Variants in KLF12 observed in about 807,000 individuals in gnomAD.
The protein encoded by KLF12 is Krueppel-like factor 12.
In KLF12, 9 loss-of-function variants were observed where a neutral mutation model predicts 37.8. The ratio of observed to expected loss-of-function variants is 0.24; its 90% CI spans 0.14 to 0.42. KLF12 has a LOEUF of 0.42. Among genes scored for constraint, KLF12 ranks in the 10% least tolerant of loss-of-function variants. The pLI, the probability that KLF12 is intolerant of heterozygous loss-of-function variation, is 1.00. For missense variants in KLF12, 411 were observed against 516.0 expected (o/e 0.80, Z 1.97); for synonymous variants, 208 against 202.1 (o/e 1.03, Z -0.25).
chr13:73,915,761 T>C (rs1888797449), intron 3 of KLF12, among the ~76,000 whole-genome samples: 1 of 149,974 alleles, frequency 6.7e-6, no homozygotes, highest in Non-Finnish European at 1.5e-5. Flanking sequence ...CTTGATCTCC[T>C]GACCTCGTGA....
the KLF12 span, among the ~76,000 whole-genome samples, chr13:74,180,162 T>A: frequency 6.6e-6 from 1 of 152,240 alleles, no homozygotes; most frequent in Admixed American, 6.5e-5. Context: ...AAAATAATTC[T>A]AACTTGCAAA....
rs368339085 is a variant in KLF12, at chr13:73,841,413, CA to C, written c.670+4413del. 5.0e-3 allele frequency among the ~76,000 whole-genome samples: 755 copies of C among 151,860 alleles called. 1 individual carries two copies. The highest frequency in any genetic ancestry group is 0.017 in the African/African-American group (691 of 41,436). Reference sequence around the variant, plus strand: ...ATAGCTGATGAGTTTTAAAAAATTGCAAAAAAAGTCTCATAATGTTTTAAGA... The same window carrying C: ...ATAGCTGATGAGTTTTAAAAAATTGCAAAAAAGTCTCATAATGTTTTAAGA... On this transcript the variant is annotated intron_variant, in intron 4 of 7. Coordinates refer to ENST00000377669, the MANE Select transcript of KLF12 (RefSeq NM_007249.5).
intron 1 of KLF12, among the ~76,000 whole-genome samples, chr13:74,032,198 G>A (rs1893133156): frequency 1.3e-5 from 2 of 152,180 alleles, no homozygotes; most frequent in Non-Finnish European, 2.9e-5. Flanking sequence ...TTCCAAATCT[G>A]TTAGGCACAG....
the KLF12 span, among the ~76,000 whole-genome samples, chr13:74,148,883 C>CGGCTCACTGCAGCCCTG: frequency 6.6e-6 from 1 of 152,180 alleles, no homozygotes; most frequent in African/African-American, 2.4e-5. Flanking sequence ...GGCATGACCT[C>CGGCTCACTGCAGCCCTG]GGCTCACTGC....
chr13:74,061,484 A>G (rs887125655), intron 1 of KLF12, among the ~76,000 whole-genome samples: 1 of 152,222 alleles, frequency 6.6e-6, no homozygotes, highest in Admixed American at 6.5e-5. Flanking sequence ...TATTGCACAC[A>G]GTGACTTTCA....
chr13:73,863,178 G>C (rs1397937150), intron 3 of KLF12, among the ~76,000 whole-genome samples: 2 of 152,108 alleles, frequency 1.3e-5, no homozygotes, highest in Non-Finnish European at 2.9e-5. Flanking sequence ...GAAACATGCT[G>C]GATCAAGAAA....
At chr13:74,053,372 T>C (rs1873041527) in intron 1 of KLF12, among the ~76,000 whole-genome samples, 1 of 139,610 alleles carries the variant, frequency 7.2e-6, no homozygotes, top group Non-Finnish European at 1.5e-5. Context: ...ATATTTTCTT[T>C]GTCTTTCCTT....
the KLF12 span, among the ~76,000 whole-genome samples, chr13:74,173,647 A>G: frequency 5.3e-5 from 8 of 152,292 alleles, no homozygotes; most frequent in South Asian, 1.7e-3. Flanking sequence ...AGCCTGCACC[A>G]CCCACCTTTT....
At chr13:73,763,356 G>A (rs943060585) in intron 6 of KLF12, among the ~76,000 whole-genome samples, 2 of 152,118 alleles carry the variant, frequency 1.3e-5, no homozygotes, top group East Asian at 3.9e-4. Context: ...GGCCCTTGAG[G>A]ATAGAAACCA....
chr13:73,971,747 A>C (rs981551503), intron 2 of KLF12, among the ~76,000 whole-genome samples: 1 of 152,212 alleles, frequency 6.6e-6, no homozygotes, highest in Non-Finnish European at 1.5e-5. Flanking sequence ...CAGAGCTAAC[A>C]GGCTCGGCAC....
chr13:74,257,652 G>A, the KLF12 span: 1 of 152,172 alleles, frequency 6.6e-6, no homozygotes, highest in South Asian at 2.1e-4. Context: ...TCACCTGGGG[G>A]ACTGCGAGCT....
chr13:73,699,076 C>G (rs1232118929), intron 7 of KLF12, among the ~76,000 whole-genome samples: 2 of 151,876 alleles, frequency 1.3e-5, no homozygotes, highest in African/African-American at 4.8e-5. Flanking sequence ...GAAGACTCAC[C>G]CACTGAGGAC....
At chr13:74,166,443 T>G in the KLF12 span, among the ~76,000 whole-genome samples, 1 of 152,110 alleles carries the variant, frequency 6.6e-6, no homozygotes, top group South Asian at 2.1e-4. Flanking sequence ...ACAAATGGAA[T>G]GCTCTATCTA....
At chr13:74,204,144 G>A in the KLF12 span, among the ~76,000 whole-genome samples, 2 of 152,040 alleles carry the variant, frequency 1.3e-5, no homozygotes, top group Non-Finnish European at 2.9e-5. Flanking sequence ...TTAAATTCCA[G>A]TTTTTTATTT....
At chr13:73,809,272 C>A (rs958012460) in intron 5 of KLF12, among the ~76,000 whole-genome samples, 8 of 151,770 alleles carry the variant, frequency 5.3e-5, no homozygotes, top group African/African-American at 1.7e-4. Context: ...TTATTTAATA[C>A]ATTAAGTTTA....
chr13:73,712,033 CAGG>C (rs1219092497), intron 7 of KLF12, among the ~76,000 whole-genome samples: 1 of 152,142 alleles, frequency 6.6e-6, no homozygotes. Flanking sequence ...GTGGAAACAG[CAGG>C]AGAATTACAA....
chr13:73,917,133 A>C (rs1013518499), intron 3 of KLF12, among the ~76,000 whole-genome samples: 8 of 152,118 alleles, frequency 5.3e-5, no homozygotes, highest in Non-Finnish European at 1.5e-5. Context: ...TTATATACCA[A>C]GTGTCTGATT....
At chr13:73,952,101 T>C (rs1482220070) in intron 2 of KLF12, among the ~76,000 whole-genome samples, 5 of 152,192 alleles carry the variant, frequency 3.3e-5, no homozygotes, top group African/African-American at 1.2e-4. Flanking sequence ...GAATTTGGCA[T>C]GGCTAAAACA....
At chr13:73,817,357 A>G (rs964644206) in intron 4 of KLF12, among the ~76,000 whole-genome samples, 8 of 151,684 alleles carry the variant, frequency 5.3e-5, no homozygotes, top group Non-Finnish European at 1.2e-4. Flanking sequence ...AACAAAAAAA[A>G]AAAAGAAAGA....
Sources: gnomAD v4.1 joint callset for allele counts (sites outside exome capture counted in the v4.1 genomes callset) on GRCh38, gnomAD v4.1.1 for gene constraint, MANE v1.5 for transcripts, NCBI Gene and HGNC (gene_info 2026-07-23, HGNC 2026-07-21) for gene names.